ST8SIA5: variants seen among roughly 807,000 people sequenced by gnomAD.
The protein encoded by ST8SIA5 is alpha-2,8-sialyltransferase 8E.
A neutral mutation model predicts 40.2 loss-of-function variants in ST8SIA5; 24 were observed. The observed-to-expected ratio is 0.60, with a 90% confidence interval of 0.43 to 0.84. The LOEUF is 0.84. Ranked by LOEUF, ST8SIA5 falls within the 40% of genes least tolerant of loss-of-function variation. ST8SIA5 has a pLI of 0.00. For synonymous variants in ST8SIA5, 198 were observed against 201.8 expected, an observed-to-expected ratio of 0.98 and a Z score of 0.16; for missense variants, 465 against 498.5, an observed-to-expected ratio of 0.93 and a Z score of 0.64.
intron 1 of ST8SIA5, among the ~76,000 whole-genome samples, chr18:46,717,642 G>A (rs897323930): frequency 7.9e-5 from 12 of 152,004 alleles, no homozygotes; most frequent in African/African-American, 2.7e-4. Flanking sequence ...TTTCAAGAGC[G>A]AATTCTCTGG....
intron 2 of ST8SIA5, among the ~76,000 whole-genome samples, chr18:46,702,508 C>T (rs2039628524): frequency 1.3e-5 from 2 of 152,174 alleles, no homozygotes; most frequent in East Asian, 1.9e-4. Flanking sequence ...ATGCAGCTTC[C>T]GTGTCTTCCC....
chr18:46,681,528 G>A (rs1042973873), intron 6 of ST8SIA5, among the ~76,000 whole-genome samples: 1 of 152,180 alleles, frequency 6.6e-6, no homozygotes, highest in Non-Finnish European at 1.5e-5. Flanking sequence ...GGGGAGCTGA[G>A]ATCTCAGTGT....
chr18:46,707,566 G>C (rs2039682161), intron 1 of ST8SIA5, among the ~76,000 whole-genome samples: 1 of 152,130 alleles, frequency 6.6e-6, no homozygotes, highest in Non-Finnish European at 1.5e-5. Context: ...ATGACCTTGT[G>C]CCGTGGTTTT....
At chr18:46,721,022 C>T (rs562290093) in intron 1 of ST8SIA5, among the ~76,000 whole-genome samples, 149 of 152,256 alleles carry the variant, frequency 9.8e-4, no homozygotes, top group African/African-American at 3.6e-3. Context: ...CACACACCTA[C>T]ACACACTTGC....
chr18:46,724,592 A>T (rs2039895621), intron 1 of ST8SIA5, among the ~76,000 whole-genome samples: 1 of 152,222 alleles, frequency 6.6e-6, no homozygotes, highest in South Asian at 2.1e-4. Context: ...GGTTTGGTTT[A>T]TTCAGAAGAG....
chr18:46,710,413 T>TTCTG (rs1555695729), intron 1 of ST8SIA5, among the ~76,000 whole-genome samples: 1,918 of 127,518 alleles, frequency 0.015, 43 homozygotes, highest in African/African-American at 0.026. Flanking sequence ...CTTTCTTTCT[T>TTCTG]TCTTTTTCTT....
At chr18:46,698,809 A>G (rs1396956081) in intron 2 of ST8SIA5, among the ~76,000 whole-genome samples, 1 of 152,246 alleles carries the variant, frequency 6.6e-6, no homozygotes, top group African/African-American at 2.4e-5. Context: ...AGACTGGAGC[A>G]AGATGATGAA....
At chr18:46,756,155 C>T (rs558495058) in intron 1 of ST8SIA5, among the ~76,000 whole-genome samples, 1 of 152,176 alleles carries the variant, frequency 6.6e-6, no homozygotes, top group Non-Finnish European at 1.5e-5. Flanking sequence ...TTTTTCACAG[C>T]GGAACAAAGT....
chr18:46,690,862 C>T (rs757930100), intron 3 of ST8SIA5, among the ~76,000 whole-genome samples: 20 of 152,254 alleles, frequency 1.3e-4, no homozygotes, highest in Non-Finnish European at 2.5e-4. Context: ...GTGATTCACC[C>T]GCCTTGGCCT....
rs114205773 is a variant in ST8SIA5 at position 46,708,798 on chromosome 18, T to C, written c.132-4134A>G. 8.5e-3 allele frequency among the ~76,000 whole-genome samples: 1,295 copies of C among 152,314 alleles called. 22 individuals are homozygous for C. Among genetic ancestry groups the C allele is most frequent in the African/African-American group, 0.03 (1,233 of 41,550 alleles). ...TTACTGATCTGGGTGCTTCTTCCCA[T>C]GGTCCTGCAGGGCCTCCTGTTTCTA... is the stretch of plus-strand genomic sequence containing the variant. On this transcript the variant is annotated intron_variant, in intron 1 of 6. Coordinates refer to ENST00000315087, the MANE Select transcript of ST8SIA5 (RefSeq NM_013305.6).
chr18:46,737,814 A>AGGCT (rs1347281858), intron 1 of ST8SIA5, among the ~76,000 whole-genome samples: 2 of 151,900 alleles, frequency 1.3e-5, no homozygotes, highest in Non-Finnish European at 1.5e-5. Context: ...TGTGTCGCCC[A>AGGCT]GGCTGGAGTG....
intron 1 of ST8SIA5, among the ~76,000 whole-genome samples, chr18:46,728,066 G>A (rs2039948786): frequency 6.6e-6 from 1 of 151,998 alleles, no homozygotes; most frequent in Non-Finnish European, 1.5e-5. Flanking sequence ...ATGGAGGCAT[G>A]AGCCTGTAGT....
In ST8SIA5 at chr18:46,686,419, G is replaced by GA. The variant is rs1341998370; in HGVS notation, c.457-134dup. 2.1e-5 allele frequency: 15 copies of GA among 714,670 alleles called. No homozygotes were observed. In the African/African-American group the frequency reaches 2.6e-4, roughly 13 times the overall value. 44.3% of individuals were successfully genotyped at this position (714,670 alleles called of 1,614,324 possible). On this transcript the variant is annotated intron_variant, in intron 4 of 6. Transcript: ENST00000315087. ...GGCAGCCTTGTGGGGAATGTGGGAG[G>GA]AAAGCGGCTTTCCACTTTACAGATG...
chr18:46,680,874 G>C (rs1174627908), intron 6 of ST8SIA5, among the ~76,000 whole-genome samples: 3 of 152,218 alleles, frequency 2.0e-5, no homozygotes, highest in African/African-American at 7.2e-5. Flanking sequence ...CACCTGTACT[G>C]TCATCCCCAA....
Position 46,680,136 on chromosome 18 carries a change from C to A in ST8SIA5, c.1037G>T (p.Gly346Val). ...GATCTCAGAGGGCATGGCGTGGAAG[C>A]CGGGACGCGGCTTGACGTTGTCATA... ...HYYDNVKPRP[G>V]FHAMPSEIFN... Residue 346 changes from glycine to valine, a missense_variant, in exon 7 of 7, where the codon GGC becomes GTC. Physicochemically the swap from Gly to Val is moderately radical, Grantham distance 109. Transcript: ENST00000315087. The A allele has an allele frequency of 1.9e-6, 3 of 1,614,204 alleles. No individual in the cohort carries two copies. The highest frequency in any genetic ancestry group is 2.5e-6 in the Non-Finnish European group (3 of 1,180,046).
intron 1 of ST8SIA5, among the ~76,000 whole-genome samples, chr18:46,735,865 G>C (rs2040028980): frequency 1.3e-5 from 2 of 151,678 alleles, no homozygotes; most frequent in South Asian, 4.2e-4. Context: ...CTCCCACTTT[G>C]GCCTCCCAAA....
chr18:46,712,253 C>T (rs530162896), intron 1 of ST8SIA5, among the ~76,000 whole-genome samples: 120 of 152,314 alleles, frequency 7.9e-4, no homozygotes, highest in African/African-American at 2.7e-3. Context: ...CTAGCACTGG[C>T]CAGTGCCCCT....
intron 1 of ST8SIA5, among the ~76,000 whole-genome samples, chr18:46,725,053 G>A (rs1302690765): frequency 1.3e-3 from 175 of 139,440 alleles, no homozygotes; most frequent in African/African-American, 4.6e-3. Context: ...GGAAGGAAAA[G>A]AGAGAAAGAA....
At chr18:46,680,658 A>C in intron 6 of ST8SIA5, 148 bp from the exon 7 acceptor site, 1 of 822,846 alleles carries the variant, frequency 1.2e-6, no homozygotes, top group South Asian at 1.8e-5. Flanking sequence ...ACCTGTGCAG[A>C]TGAAGGTGAG....
Sources: allele counts gnomAD v4.1 joint callset (sites outside exome capture counted in the v4.1 genomes callset), GRCh38; gene constraint gnomAD v4.1.1; transcripts MANE v1.5; gene names NCBI Gene and HGNC (gene_info 2026-07-23, HGNC 2026-07-21).